TMEM135: variants seen among roughly 807,000 people sequenced by gnomAD.
TMEM135 encodes the protein peroxisomal membrane protein 52.
Under a neutral mutation model 60.3 loss-of-function variants are expected in TMEM135, and 30 were observed. The observed-to-expected ratio is 0.50, with a 90% CI of 0.37 to 0.68. TMEM135 has a LOEUF of 0.68. Among genes scored for constraint, TMEM135 ranks in the 30% least tolerant of loss-of-function variants. The pLI, the probability that TMEM135 is intolerant of heterozygous loss-of-function variation, is 0.00. For synonymous variants in TMEM135, 190 were observed against 186.7 expected, an observed-to-expected ratio of 1.02 and a Z score of -0.14; for missense variants, 468 against 548.8, an observed-to-expected ratio of 0.85 and a Z score of 1.47.
intron 6 of TMEM135, among the ~76,000 whole-genome samples, chr11:87,253,550 T>A (rs1174692199): frequency 6.6e-6 from 1 of 151,304 alleles, no homozygotes; most frequent in Non-Finnish European, 1.5e-5. Context: ...TTATTCTAGT[T>A]CTACAGTAGT....
At chr11:87,118,363 A>C (rs1455861834) in intron 4 of TMEM135, among the ~76,000 whole-genome samples, 1 of 152,134 alleles carries the variant, frequency 6.6e-6, no homozygotes, top group Admixed American at 6.6e-5. Flanking sequence ...CTTCCAATGT[A>C]AGGCTCCTTT....
At chr11:87,297,411 A>C (rs912706241) in intron 7 of TMEM135, among the ~76,000 whole-genome samples, 4 of 152,294 alleles carry the variant, frequency 2.6e-5, no homozygotes, top group African/African-American at 9.6e-5. Flanking sequence ...AATACACAAC[A>C]CTAATTACTG....
chr11:87,088,600 T>C (rs1306304409), intron 3 of TMEM135, among the ~76,000 whole-genome samples: 1 of 152,162 alleles, frequency 6.6e-6, no homozygotes, highest in African/African-American at 2.4e-5. Context: ...TTACTTAAGT[T>C]TTCTATTAGT....
At chr11:87,171,126 A>G (rs1185181241) in intron 5 of TMEM135, among the ~76,000 whole-genome samples, 2 of 152,162 alleles carry the variant, frequency 1.3e-5, no homozygotes, top group African/African-American at 4.8e-5. Flanking sequence ...AAAGTGAGGT[A>G]CTAGGGACAG....
rs755314580 is a variant in TMEM135 at position 87,321,854 on chromosome 11, G to A, written c.*521G>A. On this transcript the variant is annotated 3_prime_UTR_variant, in exon 15 of 15. Coordinates refer to ENST00000305494, the MANE Select transcript of TMEM135 (RefSeq NM_022918.4). ...ACTCTCCACGGACAGTGCTGCTTTC[G>A]TGTAGAGCAATTTAATTGGAGAAGT... 3.1e-5 allele frequency: 14 copies of A among 454,278 alleles called. No homozygotes were observed. Among genetic ancestry groups the A allele is most frequent in the South Asian group, 6.2e-5 (4 of 64,478 alleles). The allele number at this position is 454,278 out of a possible 1,614,324, so 28.1% of individuals were successfully genotyped here.
chr11:87,047,305 G>GA (rs1288113466), intron 1 of TMEM135, among the ~76,000 whole-genome samples: 1 of 151,906 alleles, frequency 6.6e-6, no homozygotes, highest in African/African-American at 2.4e-5. Context: ...AGTGTATTTT[G>GA]GGAGGAGCCA....
chr11:87,196,526 A>G (rs1939961523), intron 5 of TMEM135, among the ~76,000 whole-genome samples: 1 of 152,158 alleles, frequency 6.6e-6, no homozygotes, highest in Non-Finnish European at 1.5e-5. Context: ...TTTCTACATC[A>G]GGCTTAGATG....
At chr11:87,053,038 A>G (rs1182337570) in intron 1 of TMEM135, among the ~76,000 whole-genome samples, 2 of 131,018 alleles carry the variant, frequency 1.5e-5, no homozygotes, top group African/African-American at 3.1e-5. Context: ...ATTGGAAACC[A>G]TCATTCTCAG....
At chr11:87,271,808 C>T (rs186875891) in intron 6 of TMEM135, among the ~76,000 whole-genome samples, 244 of 151,880 alleles carry the variant, frequency 1.6e-3, no homozygotes, top group African/African-American at 5.2e-3. Context: ...TGGCAGCATG[C>T]GCTTATTGTC....
At chr11:87,312,544 A>C (rs4944698) in intron 10 of TMEM135, among the ~76,000 whole-genome samples, 41,677 of 151,760 alleles carry the variant, frequency 0.27, 6,665 homozygotes, top group Middle Eastern at 0.39. Flanking sequence ...CTTTGTGACC[A>C]TATGGTCTCT....
intron 4 of TMEM135, among the ~76,000 whole-genome samples, chr11:87,142,874 A>G (rs1458957662): frequency 6.7e-6 from 1 of 148,466 alleles, no homozygotes; most frequent in African/African-American, 2.5e-5. Flanking sequence ...TTCAACATTC[A>G]GAAGGTTTTT....
intron 4 of TMEM135, among the ~76,000 whole-genome samples, chr11:87,133,723 A>G (rs1172814806): frequency 6.6e-6 from 1 of 151,888 alleles, no homozygotes; most frequent in Non-Finnish European, 1.5e-5. Flanking sequence ...CCAAACAACC[A>G]CTGATCTGCT....
At chr11:87,163,402 G>GTA (rs1162523870) in intron 5 of TMEM135, among the ~76,000 whole-genome samples, 1 of 143,302 alleles carries the variant, frequency 7.0e-6, no homozygotes, top group African/African-American at 2.6e-5. Flanking sequence ...ATTCCATGGT[G>GTA]TATATGTGCC....
At chr11:87,166,067 A>T (rs1196116421) in intron 5 of TMEM135, among the ~76,000 whole-genome samples, 2 of 151,466 alleles carry the variant, frequency 1.3e-5, no homozygotes, top group Non-Finnish European at 2.9e-5. Context: ...GAATAGACCA[A>T]TAACAGGATC....
At chr11:87,059,366 G>A (rs1222671467) in intron 1 of TMEM135, among the ~76,000 whole-genome samples, 4 of 150,000 alleles carry the variant, frequency 2.7e-5, no homozygotes, top group South Asian at 2.1e-4. Context: ...GTGCAATGGC[G>A]TGATCTCGGT....
chr11:87,245,264 C>T (rs61905657), intron 6 of TMEM135, among the ~76,000 whole-genome samples: 97,338 of 148,548 alleles, frequency 0.66, 32,525 homozygotes, highest in Non-Finnish European at 0.71. Flanking sequence ...GAGAGCTTTA[C>T]TTCCACGTAT....
chr11:87,067,637 G>T, intron 1 of TMEM135, 57 bp from the exon 2 acceptor site: 1 of 1,605,714 alleles, frequency 6.2e-7, no homozygotes, highest in Non-Finnish European at 8.5e-7. Context: ...CCACATATAA[G>T]CTAATTTAAG....
intron 3 of TMEM135, among the ~76,000 whole-genome samples, chr11:87,084,999 G>C (rs1591006745): frequency 7.7e-6 from 1 of 129,422 alleles, no homozygotes; most frequent in African/African-American, 2.5e-5. Context: ...TTACTCACCA[G>C]TAAGGGAGTG....
intron 5 of TMEM135, among the ~76,000 whole-genome samples, chr11:87,220,176 A>G (rs900580808): frequency 2.0e-5 from 3 of 152,218 alleles, no homozygotes; most frequent in Non-Finnish European, 4.4e-5. Flanking sequence ...TATGCTTAGG[A>G]TAGCTCAGAC....
Sources: allele counts gnomAD v4.1 joint callset (sites outside exome capture counted in the v4.1 genomes callset), GRCh38; gene constraint gnomAD v4.1.1; transcripts MANE v1.5; gene names NCBI Gene and HGNC (gene_info 2026-07-23, HGNC 2026-07-21).